Variants in SORCS3 observed in about 807,000 individuals in gnomAD.
SORCS3 encodes the protein VPS10 domain-containing receptor SorCS3.
A neutral mutation model predicts 146.3 loss-of-function variants in SORCS3; 57 were observed. That is an observed-to-expected ratio of 0.39 (90% CI 0.31 to 0.49). The LOEUF (loss-of-function observed/expected upper bound fraction) is 0.49, where lower values mean the gene tolerates loss of function less well. Ranked by LOEUF, SORCS3 falls within the 20% of genes least tolerant of loss-of-function variation. The probability of loss-of-function intolerance (pLI) is 0.92; values close to 1 mark genes in which losing one functional copy is unlikely to be tolerated. For missense variants in SORCS3, 1,341 were observed against 1,575.5 expected (o/e 0.85, Z 2.52); for synonymous variants, 653 against 618.5 (o/e 1.06, Z -0.83).
intron 3 of SORCS3, among the ~76,000 whole-genome samples, chr10:104,938,828 G>A (rs1347809202): frequency 1.3e-5 from 2 of 152,176 alleles, no homozygotes; most frequent in Admixed American, 6.5e-5. Context: ...GCTGCCTTGC[G>A]GGGGAAGCCG....
Position 105,252,826 on chromosome 10 carries a change from C to T in SORCS3, c.3157C>T (p.Pro1053Ser). The change falls in exon 23 of 27, where the codon CCC becomes TCC. Residue 1053 changes from proline to serine, a missense_variant. By Grantham distance (74) the Pro-to-Ser change is moderately conservative. Coordinates refer to ENST00000369701, the MANE Select transcript of SORCS3 (RefSeq NM_014978.3). ...CCTCATTGCCGTGTTTCCTGGTCTC[C>T]CCACTTCAGCAGAGCTTTTCATTCT... ...QILIAVFPGL[P>S]TSAELFILPP... The T allele has an allele frequency of 6.2e-7, 1 of 1,614,070 alleles. No individual in the cohort carries two copies. The highest frequency in any genetic ancestry group is 8.5e-7 in the Non-Finnish European group (1 of 1,179,994).
chr10:104,809,931 C>T (rs2491390), intron 1 of SORCS3, among the ~76,000 whole-genome samples: 25,524 of 152,156 alleles, frequency 0.17, 2,483 homozygotes, highest in African/African-American at 0.27. Context: ...TTGATGTTCT[C>T]CTGATGTAAC....
chr10:105,230,143 G>C (rs1231688715), intron 20 of SORCS3, among the ~76,000 whole-genome samples: 1 of 152,076 alleles, frequency 6.6e-6, no homozygotes, highest in Non-Finnish European at 1.5e-5. Context: ...TGAGGTACTG[G>C]TTGTGGTAGA....
At chr10:105,245,764 G>A in intron 21 of SORCS3, 99 bp downstream of exon 21, 1 of 1,434,488 alleles carries the variant, frequency 7.0e-7, no homozygotes, top group Non-Finnish European at 9.3e-7. Flanking sequence ...AATTCCTCAG[G>A]CCCTGGGAAA....
At chr10:104,656,115 TAGGA>T (rs1227670080) in intron 1 of SORCS3, among the ~76,000 whole-genome samples, 1 of 152,014 alleles carries the variant, frequency 6.6e-6, no homozygotes, top group Non-Finnish European at 1.5e-5. Flanking sequence ...ACATTTAACT[TAGGA>T]AGGGCAGAGA....
chr10:104,667,148 A>G (rs2015789861), intron 1 of SORCS3, among the ~76,000 whole-genome samples: 1 of 152,176 alleles, frequency 6.6e-6, no homozygotes, highest in Non-Finnish European at 1.5e-5. Flanking sequence ...CATAGGAACT[A>G]CTTATGTTTG....
chr10:105,251,492 G>A (rs2056898132), intron 22 of SORCS3, among the ~76,000 whole-genome samples: 1 of 152,092 alleles, frequency 6.6e-6, no homozygotes, highest in African/African-American at 2.4e-5. Context: ...CGGTGGACAT[G>A]GTCTATATCT....
rs187041398 is a variant in SORCS3 at position 104,774,265 on chromosome 10, C to A, written c.628-68527C>A. 2.6e-5 allele frequency among the ~76,000 whole-genome samples: 4 copies of A among 152,280 alleles called. No individual in the cohort carries two copies. In the East Asian group the frequency reaches 7.7e-4, roughly 29 times the overall value. ...GCCTGAATGTTCTATCCCAGCCCTT[C>A]CCTGGGACAGCAGGAAGAGGGCTTT... On this transcript the variant is annotated intron_variant, in intron 1 of 26. Transcript: ENST00000369701.
rs752984608 is a variant in SORCS3, at chr10:105,214,496, C to T, written c.2430C>T (p.Thr810=). The change falls in exon 18 of 27, where the codon ACC becomes ACT. Residue 810 remains threonine (T), a synonymous_variant. Coordinates refer to ENST00000369701, the MANE Select transcript of SORCS3 (RefSeq NM_014978.3). The part of the protein sequence containing the change: ...NCTDGLREKY[T]AKAQMCPGKA... Reference sequence around the variant, plus strand: ...CAGATGGGCTAAGGGAGAAGTACACCGCCAAGGCCCAGATGTGCCCTGGAA... The same window carrying T: ...CAGATGGGCTAAGGGAGAAGTACACTGCCAAGGCCCAGATGTGCCCTGGAA... The T allele has an allele frequency of 4.1e-5, 66 of 1,614,052 alleles. No individual in the cohort carries two copies. Among genetic ancestry groups the T allele is most frequent in the East Asian group, 8.9e-5 (4 of 44,890 alleles).
chr10:104,832,498 G>C (rs2018012125), intron 1 of SORCS3, among the ~76,000 whole-genome samples: 1 of 152,118 alleles, frequency 6.6e-6, no homozygotes, highest in Non-Finnish European at 1.5e-5. Context: ...TGGGCGGACT[G>C]CCTGTGGTTA....
chr10:104,816,473 G>A (rs945576406), intron 1 of SORCS3, among the ~76,000 whole-genome samples: 5 of 152,072 alleles, frequency 3.3e-5, no homozygotes, highest in South Asian at 2.1e-4. Flanking sequence ...TCTGATATAA[G>A]GAAAAATAGA....
At position 104,973,401 on chromosome 10, in the gene SORCS3, A is replaced by G. The variant is rs975596779; in HGVS notation, c.796-3934A>G. 5.9e-5 allele frequency among the ~76,000 whole-genome samples: 9 copies of G among 152,280 alleles called. No individual in the cohort carries two copies. In the South Asian group the frequency reaches 6.2e-4, roughly 11 times the overall value. On this transcript the variant is annotated intron_variant, in intron 3 of 26. Coordinates refer to ENST00000369701, the MANE Select transcript of SORCS3 (RefSeq NM_014978.3). Reference sequence around the variant, plus strand: ...TGTTATTGGTCTATTCAGAGAGTCAACTTCTTCCTGGTTTAGTCTTGGGAG... The same window carrying G: ...TGTTATTGGTCTATTCAGAGAGTCAGCTTCTTCCTGGTTTAGTCTTGGGAG...
chr10:104,709,687 G>A (rs988554782), intron 1 of SORCS3, among the ~76,000 whole-genome samples: 3 of 152,270 alleles, frequency 2.0e-5, no homozygotes, highest in South Asian at 2.1e-4. Flanking sequence ...CAAAGATGGA[G>A]TCCACACTTA....
chr10:104,996,200 C>T (rs2055025794), intron 4 of SORCS3, among the ~76,000 whole-genome samples: 1 of 152,112 alleles, frequency 6.6e-6, no homozygotes, highest in Non-Finnish European at 1.5e-5. Context: ...ATTTGAGAAT[C>T]AATTTGTTTA....
intron 14 of SORCS3, among the ~76,000 whole-genome samples, chr10:105,195,961 G>A (rs533085363): frequency 2.0e-5 from 3 of 152,146 alleles, no homozygotes; most frequent in Non-Finnish European, 4.4e-5. Context: ...GGAAAGACCT[G>A]GGAAACACAA....
intron 13 of SORCS3, among the ~76,000 whole-genome samples, chr10:105,168,423 A>G (rs1325302068): frequency 6.6e-6 from 1 of 152,150 alleles, no homozygotes; most frequent in African/African-American, 2.4e-5. Context: ...ATTTGTATTT[A>G]TGCCCTGAAG....
intron 17 of SORCS3, among the ~76,000 whole-genome samples, chr10:105,213,276 A>T (rs2119645468): frequency 6.6e-6 from 1 of 152,332 alleles, no homozygotes; most frequent in African/African-American, 2.4e-5. Context: ...ATAGTTCAGC[A>T]GTGGGGTGGC....
At chr10:104,846,125 G>C (rs1177770665) in intron 2 of SORCS3, among the ~76,000 whole-genome samples, 9 of 152,146 alleles carry the variant, frequency 5.9e-5, no homozygotes, top group Admixed American at 5.2e-4. Context: ...GTTTCAGGAG[G>C]TTCATGGACC....
intron 4 of SORCS3, among the ~76,000 whole-genome samples, chr10:105,006,635 C>A (rs572279799): frequency 7.9e-5 from 12 of 152,278 alleles, no homozygotes; most frequent in African/African-American, 2.9e-4. Context: ...ATTGCCACTT[C>A]TCTGGCCTTA....
Sources: gnomAD v4.1 joint callset for allele counts (sites outside exome capture counted in the v4.1 genomes callset) on GRCh38, gnomAD v4.1.1 for gene constraint, MANE v1.5 for transcripts, NCBI Gene and HGNC (gene_info 2026-07-23, HGNC 2026-07-21) for gene names.